The following PAX7 variants were observed in gnomAD, a reference collection of about 807,000 sequenced individuals.
The protein encoded by PAX7 is paired box 7.
In PAX7, 18 loss-of-function variants were observed where a neutral mutation model predicts 50.7. The observed-to-expected ratio is 0.36, with a 90% CI of 0.25 to 0.53. The LOEUF (loss-of-function observed/expected upper bound fraction) is 0.53, where lower values mean the gene tolerates loss of function less well. Ranked by LOEUF, PAX7 falls within the 20% of genes least tolerant of loss-of-function variation. The pLI, the probability that PAX7 is intolerant of heterozygous loss-of-function variation, is 0.93. For missense variants in PAX7, 644 were observed against 702.9 expected (o/e 0.92, Z 0.95); for synonymous variants, 310 against 290.4 (o/e 1.07, Z -0.69).
At chr1:18,724,078 G>T (rs1018009202) in intron 7 of PAX7, among the ~76,000 whole-genome samples, 1 of 152,216 alleles carries the variant, frequency 6.6e-6, no homozygotes, top group Non-Finnish European at 1.5e-5. Context: ...AGGCCGCTGC[G>T]TGCTCGGTGG....
At position 18,747,653 on chromosome 1, in the gene PAX7, A is replaced by G. The variant is rs1013434332; in HGVS notation, c.*2724A>G. On this transcript the variant is annotated 3_prime_UTR_variant, in exon 9 of 9. Transcript: ENST00000420770. ...AAACAACCCCCATCCATCCCTGTAA[A>G]TAGAGTCTGTAGCAAAATAAGAGCT... 4.8e-6 allele frequency: 1 copy of G among 210,276 alleles called. No individual in the cohort carries two copies. The highest frequency in any genetic ancestry group is 2.3e-5 in the African/African-American group (1 of 44,100). 13.0% of individuals were successfully genotyped at this position (210,276 alleles called of 1,614,324 possible).
intron 4 of PAX7, among the ~76,000 whole-genome samples, chr1:18,646,787 G>A (rs1240690041): frequency 1.3e-5 from 2 of 151,446 alleles, no homozygotes; most frequent in South Asian, 2.1e-4. Flanking sequence ...CGACGGCCGC[G>A]GGGGAAGCGC....
chr1:18,662,310 C>CA (rs2100480931), intron 4 of PAX7, among the ~76,000 whole-genome samples: 1 of 152,304 alleles, frequency 6.6e-6, no homozygotes, highest in Non-Finnish European at 1.5e-5. Context: ...ATGACCCCTG[C>CA]CCCGGCAGTC....
At chr1:18,659,066 G>A (rs2088564181) in intron 4 of PAX7, among the ~76,000 whole-genome samples, 1 of 152,068 alleles carries the variant, frequency 6.6e-6, no homozygotes, top group African/African-American at 2.4e-5. Context: ...GTGCATGCAT[G>A]TGACTGTGTG....
At chr1:18,662,244 C>T (rs950707909) in intron 4 of PAX7, among the ~76,000 whole-genome samples, 3 of 152,176 alleles carry the variant, frequency 2.0e-5, no homozygotes, top group Non-Finnish European at 2.9e-5. Context: ...CGGCCTTGGC[C>T]AAGCTACTCC....
chr1:18,700,456 G>A lies in PAX7; in HGVS notation c.787-197G>A, dbSNP rs2089204173. ...GGGATAATATAGAACCCCCTCACTGGTGGTTGTGAGGGCAGAATGGGGTCA... is the reference window on the plus strand; with the variant it reads ...GGGATAATATAGAACCCCCTCACTGATGGTTGTGAGGGCAGAATGGGGTCA... On this transcript the variant is annotated intron_variant, in intron 5 of 8. Coordinates refer to ENST00000420770, the MANE Select transcript of PAX7 (RefSeq NM_001135254.2). The surrounding 1 kb of genome is among the most constrained non-coding windows in gnomAD (Gnocchi z 4.8). 6.6e-6 allele frequency among the ~76,000 whole-genome samples: 1 copy of A among 152,166 alleles called. No homozygotes were observed. The highest frequency in any genetic ancestry group is 1.5e-5 in the Non-Finnish European group (1 of 68,012).
intron 7 of PAX7, among the ~76,000 whole-genome samples, chr1:18,725,714 G>A (rs751480422): frequency 5.9e-5 from 9 of 152,138 alleles, no homozygotes; most frequent in South Asian, 2.1e-4. Flanking sequence ...GAGCCTCGCC[G>A]CTCCGAGCAG....
Position 18,746,971 on chromosome 1 carries a change from T to G in PAX7, c.*2042T>G. On this transcript the variant is annotated 3_prime_UTR_variant, in exon 9 of 9. Coordinates refer to ENST00000420770, the MANE Select transcript of PAX7 (RefSeq NM_001135254.2). ...ATCAACCAAGGTTGCAACTGGAGCGTCCACTGCCAGAGACCTTTGGCTCTT... is the reference window on the plus strand; with the variant it reads ...ATCAACCAAGGTTGCAACTGGAGCGGCCACTGCCAGAGACCTTTGGCTCTT... The G allele has an allele frequency of 4.3e-6, 1 of 231,408 alleles. No homozygotes were observed. Among genetic ancestry groups the G allele is most frequent in the Non-Finnish European group, 8.6e-6 (1 of 116,862 alleles). The allele number at this position is 231,408 out of a possible 1,614,324, so 14.3% of individuals were successfully genotyped here. A position where few individuals can be genotyped will look rare whatever the true frequency, so the allele number is the denominator to read the frequency against.
intron 7 of PAX7, among the ~76,000 whole-genome samples, chr1:18,715,482 G>A (rs1054621518): frequency 1.4e-4 from 22 of 152,228 alleles, no homozygotes; most frequent in Non-Finnish European, 2.9e-4. Flanking sequence ...CTTGGAGGAA[G>A]TGCTGGAATG....
At chr1:18,724,345 A>C (rs2100377553) in intron 7 of PAX7, among the ~76,000 whole-genome samples, 1 of 152,340 alleles carries the variant, frequency 6.6e-6, no homozygotes, top group East Asian at 1.9e-4. Flanking sequence ...AAGGCAGTGG[A>C]GGGTCATGGT....
intron 4 of PAX7, among the ~76,000 whole-genome samples, chr1:18,676,131 G>A (rs1170909719): frequency 3.9e-5 from 6 of 152,176 alleles, no homozygotes; most frequent in Admixed American, 1.3e-4. Context: ...ATTAGAGTAC[G>A]CTCCTTATGG....
chr1:18,729,416 C>T (rs1459187293), intron 7 of PAX7, among the ~76,000 whole-genome samples: 3 of 152,192 alleles, frequency 2.0e-5, no homozygotes, highest in Non-Finnish European at 2.9e-5. Context: ...TGTGAACATG[C>T]AGCAAACTCC....
intron 4 of PAX7, among the ~76,000 whole-genome samples, chr1:18,688,000 A>G (rs1171061299): frequency 6.6e-6 from 1 of 152,152 alleles, no homozygotes; most frequent in South Asian, 2.1e-4. Context: ...GAAGCATGGG[A>G]GGGCACTGGG....
chr1:18,693,054 A>G (rs563502476), intron 5 of PAX7, among the ~76,000 whole-genome samples: 1 of 152,200 alleles, frequency 6.6e-6, no homozygotes, highest in South Asian at 2.1e-4. Flanking sequence ...TTGGGGATGG[A>G]GGAGGAAGAG....
In PAX7 at chr1:18,674,908, C is replaced by T. The variant is rs183804229; in HGVS notation, c.587-16846C>T. On this transcript the variant is annotated intron_variant, in intron 4 of 8. Coordinates refer to ENST00000420770, the MANE Select transcript of PAX7 (RefSeq NM_001135254.2). The stretch of plus-strand genomic sequence containing the variant: ...GCTGGGAATGAGACTTCCTAGGCTC[C>T]CTCATGGGGCCCAACAACCTGTGTT... 4.7e-4 allele frequency among the ~76,000 whole-genome samples: 71 copies of T among 152,262 alleles called. 1 individual carries two copies. The Middle Eastern group carries it at 0.01, about 22-fold the overall frequency.
At chr1:18,680,855 G>A (rs1228112887) in intron 4 of PAX7, among the ~76,000 whole-genome samples, 1 of 152,162 alleles carries the variant, frequency 6.6e-6, no homozygotes, top group Non-Finnish European at 1.5e-5. Flanking sequence ...TAAAGTCACA[G>A]GAAGAGTGTA....
intron 5 of PAX7, among the ~76,000 whole-genome samples, chr1:18,695,208 T>A (rs201882997): frequency 2.1e-4 from 30 of 143,328 alleles, no homozygotes; most frequent in African/African-American, 7.7e-4. Flanking sequence ...TGATTACATG[T>A]AAAAAAAAAA....
intron 4 of PAX7, among the ~76,000 whole-genome samples, chr1:18,673,157 C>A (rs1386057555): frequency 6.6e-6 from 1 of 152,140 alleles, no homozygotes; most frequent in Non-Finnish European, 1.5e-5. Context: ...AGCTGTGTGA[C>A]CTTGGATAAA....
chr1:18,665,935 G>A (rs2088662560), intron 4 of PAX7, among the ~76,000 whole-genome samples: 1 of 152,060 alleles, frequency 6.6e-6, no homozygotes. Flanking sequence ...GCCTCCCAAA[G>A]TGCTGGGATT....
Sources: gnomAD v4.1 joint callset for allele counts (sites outside exome capture counted in the v4.1 genomes callset) on GRCh38, gnomAD v4.1.1 for gene constraint, Gnocchi (gnomAD v3.1) non-coding constraint, MANE v1.5 for transcripts, NCBI Gene and HGNC (gene_info 2026-07-23, HGNC 2026-07-21) for gene names.